Variants in MYBPC1 observed in about 807,000 individuals in gnomAD.
MYBPC1 encodes myosin-binding protein C, slow-type.
Under a neutral mutation model 147.1 loss-of-function variants are expected in MYBPC1, and 52 were observed. The ratio of observed to expected loss-of-function variants is 0.35; its 90% CI spans 0.28 to 0.45. The LOEUF is 0.45. MYBPC1 is among the 20% of genes least tolerant of loss of function. The pLI is 1.00. For synonymous variants in MYBPC1, 477 were observed against 475.9 expected, an observed-to-expected ratio of 1.00 and a Z score of -0.03; for missense variants, 1,228 against 1,440.3, an observed-to-expected ratio of 0.85 and a Z score of 2.39.
rs566790076 is a variant in MYBPC1, at chr12:101,637,869, T to C, written c.665+1141T>C. 2.0e-5 allele frequency among the ~76,000 whole-genome samples: 3 copies of C among 152,330 alleles called. No individual in the cohort carries two copies. In the South Asian group the frequency reaches 6.2e-4, roughly 32 times the overall value. On this transcript the variant is annotated intron_variant, in intron 10 of 31. Coordinates refer to ENST00000361466, the MANE Select transcript of MYBPC1 (RefSeq NM_002465.4). ...TGATTTATTAATTCCTGAGGGCTAT[T>C]AGCCCATCAATAGACTACTTCAAAT... is the stretch of plus-strand genomic sequence containing the variant.
intron 1 of MYBPC1, among the ~76,000 whole-genome samples, chr12:101,611,688 A>G (rs968308789): frequency 2.0e-5 from 3 of 152,262 alleles, no homozygotes; most frequent in Non-Finnish European, 4.4e-5. Flanking sequence ...ACATAAATAT[A>G]CAGAGACTAT....
chr12:101,603,975 G>C (rs953864821), intron 1 of MYBPC1, among the ~76,000 whole-genome samples: 6 of 152,068 alleles, frequency 3.9e-5, no homozygotes, highest in Non-Finnish European at 8.8e-5. Flanking sequence ...CCCCAAAAAA[G>C]ACACAGTAAA....
At chr12:101,679,589 G>T (rs2136859762) in intron 28 of MYBPC1, among the ~76,000 whole-genome samples, 1 of 152,304 alleles carries the variant, frequency 6.6e-6, no homozygotes, top group South Asian at 2.1e-4. Context: ...CAGTTCAGAA[G>T]TCAAGGAGAA....
chr12:101,626,987 AGC>A, intron 4 of MYBPC1, 77 bp downstream of exon 4: 1 of 1,381,046 alleles, frequency 7.2e-7, no homozygotes, highest in Non-Finnish European at 1.0e-6. Flanking sequence ...AAAGGCAGTG[AGC>A]CTCCTTGCTG....
chr12:101,596,301 C>CA, intron 1 of MYBPC1, among the ~76,000 whole-genome samples: 1 of 152,210 alleles, frequency 6.6e-6, no homozygotes, highest in East Asian at 1.9e-4. Context: ...GTCTTTCACC[C>CA]AAAATAACCA....
At chr12:101,668,447 G>T (rs974283230) in intron 23 of MYBPC1, among the ~76,000 whole-genome samples, 1 of 152,084 alleles carries the variant, frequency 6.6e-6, no homozygotes, top group Non-Finnish European at 1.5e-5. Context: ...AAAAGGGCCA[G>T]TTTTGCCTTA....
intron 30 of MYBPC1, among the ~76,000 whole-genome samples, chr12:101,683,120 G>A (rs1478463137): frequency 4.0e-5 from 6 of 151,644 alleles, no homozygotes; most frequent in Non-Finnish European, 8.8e-5. Flanking sequence ...TATGGAAAGA[G>A]GATACAAAAA....
At chr12:101,617,439 A>G (rs1284137671) in intron 3 of MYBPC1, among the ~76,000 whole-genome samples, 196 bp downstream of exon 3, 1 of 152,254 alleles carries the variant, frequency 6.6e-6, no homozygotes, top group Non-Finnish European at 1.5e-5. Flanking sequence ...GTATTTCTAA[A>G]AGAAAAACAA....
Position 101,685,669 on chromosome 12 carries a change from C to T in MYBPC1, c.*107C>T. The T allele has an allele frequency of 6.6e-7, 1 of 1,516,488 alleles. No homozygotes were observed. Among genetic ancestry groups the T allele is most frequent in the Non-Finnish European group, 8.9e-7 (1 of 1,129,550 alleles). 93.9% of individuals were successfully genotyped at this position (1,516,488 alleles called of 1,614,324 possible). A position where few individuals can be genotyped will look rare whatever the true frequency, so the allele number is the denominator to read the frequency against. On this transcript the variant is annotated 3_prime_UTR_variant, in exon 32 of 32. Transcript: ENST00000361466. ...CTGCGAGACTTACACTCAAGCAATCCTGAGGAATACTGAGGGAGGGCCTGG... is the reference window on the plus strand; with the variant it reads ...CTGCGAGACTTACACTCAAGCAATCTTGAGGAATACTGAGGGAGGGCCTGG...
chr12:101,660,293 A>G (rs1896292966), intron 19 of MYBPC1: 1 of 254,190 alleles, frequency 3.9e-6, no homozygotes, highest in Non-Finnish European at 7.7e-6. Context: ...GGTCATTTTT[A>G]TCAGACACTG....
intron 1 of MYBPC1, among the ~76,000 whole-genome samples, chr12:101,599,589 G>T (rs775523847): frequency 6.6e-6 from 1 of 152,070 alleles, no homozygotes; most frequent in African/African-American, 2.4e-5. Context: ...TTCAAACACC[G>T]AAATCAATTT....
intron 14 of MYBPC1, among the ~76,000 whole-genome samples, chr12:101,648,452 C>A: frequency 6.6e-6 from 1 of 152,180 alleles, no homozygotes; most frequent in Non-Finnish European, 1.5e-5. Flanking sequence ...ATGCTCTTAA[C>A]CTTTATAGCA....
intron 22 of MYBPC1, chr12:101,666,711 T>A: frequency 6.3e-7 from 1 of 1,582,600 alleles, no homozygotes; most frequent in Non-Finnish European, 8.7e-7. Context: ...AAAGTGGGTG[T>A]CTTTAATTAA....
At chr12:101,623,275 G>A (rs755625208) in intron 3 of MYBPC1, among the ~76,000 whole-genome samples, 1 of 152,108 alleles carries the variant, frequency 6.6e-6, no homozygotes, top group Non-Finnish European at 1.5e-5. Context: ...GGAGGTAGAG[G>A]TTGCAGTGAG....
rs746400790 is a variant in MYBPC1, at chr12:101,667,806, G to A, written c.2431G>A (p.Ala811Thr). Residue 811 changes from alanine (A) to threonine (T), a missense_variant, in exon 23 of 32, where the codon GCA becomes ACA. Ala to Thr is a moderately conservative substitution (Grantham distance 58). Coordinates refer to ENST00000361466, the MANE Select transcript of MYBPC1 (RefSeq NM_002465.4). Reference protein sequence around the residue: ...KFTITGLPTDAKIFVRVKAVN... With the variant: ...KFTITGLPTDTKIFVRVKAVN... ...CACCATCACAGGTCTGCCAACAGAT[G>A]CAAAGATCTTTGTGCGTGTGAAGGC... The A allele has an allele frequency of 5.6e-6, 9 of 1,614,070 alleles. No individual in the cohort carries two copies. The highest frequency in any genetic ancestry group is 4.0e-5 in the African/African-American group (3 of 74,932).
At chr12:101,685,457 G>T (rs1312764910) in intron 31 of MYBPC1, 125 bp from the exon 32 acceptor site, 4 of 701,364 alleles carry the variant, frequency 5.7e-6, no homozygotes, top group Non-Finnish European at 2.5e-6. Context: ...GAGACTGAAT[G>T]AATCTTTGTA....
At chr12:101,677,151 C>A (rs1900183753) in intron 26 of MYBPC1, 84 bp from the exon 27 acceptor site, 1 of 1,371,946 alleles carries the variant, frequency 7.3e-7, no homozygotes. Flanking sequence ...ATAAAGCATC[C>A]TTGTTATTTA....
intron 6 of MYBPC1, 77 bp from the exon 7 acceptor site, chr12:101,631,494 T>C: frequency 6.7e-7 from 1 of 1,494,762 alleles, no homozygotes; most frequent in East Asian, 2.5e-5. Context: ...TGCAGTCCCA[T>C]GTCAACTCCT....
chr12:101,658,941 A>G (rs1177833320), intron 18 of MYBPC1, among the ~76,000 whole-genome samples: 1 of 152,174 alleles, frequency 6.6e-6, no homozygotes, highest in Non-Finnish European at 1.5e-5. Flanking sequence ...TCCTCTTTGT[A>G]TATTGGCTAT....
Sources: gnomAD v4.1 joint callset for allele counts (sites outside exome capture counted in the v4.1 genomes callset) on GRCh38, gnomAD v4.1.1 for gene constraint, MANE v1.5 for transcripts, NCBI Gene and HGNC (gene_info 2026-07-23, HGNC 2026-07-21) for gene names.